Variants in GDAP2 observed in about 807,000 individuals in gnomAD.
GDAP2 encodes ganglioside-induced differentiation-associated protein 2.
In GDAP2, 51 loss-of-function variants were observed where a neutral mutation model predicts 67.0. That is an observed-to-expected ratio of 0.76 (90% CI 0.61 to 0.96). GDAP2 has a LOEUF of 0.96. Ranked by LOEUF, GDAP2 falls within the 40% of genes least tolerant of loss-of-function variation. The probability of loss-of-function intolerance (pLI) is 0.00; values close to 1 mark genes in which losing one functional copy is unlikely to be tolerated. For synonymous variants in GDAP2, 203 were observed against 207.3 expected (o/e 0.98, Z 0.18); for missense variants, 547 against 588.3 (o/e 0.93, Z 0.73).
chr1:117,882,220 C>T (rs1648674131), intron 11 of GDAP2, among the ~76,000 whole-genome samples: 1 of 151,996 alleles, frequency 6.6e-6, no homozygotes. Flanking sequence ...GCAGCTAAAC[C>T]ACTTAAAATT....
At chr1:117,906,874 T>C (rs1371791580) in intron 5 of GDAP2, among the ~76,000 whole-genome samples, 5 of 152,220 alleles carry the variant, frequency 3.3e-5, no homozygotes, top group Non-Finnish European at 5.9e-5. Context: ...AAGAAGATGC[T>C]TTATTGTATT....
chr1:117,873,199 T>C (rs1648347103), intron 13 of GDAP2, among the ~76,000 whole-genome samples: 1 of 152,184 alleles, frequency 6.6e-6, no homozygotes, highest in Non-Finnish European at 1.5e-5. Context: ...ATTTTAAGAA[T>C]TGTTGCCAGG....
In GDAP2 at chr1:117,920,159, A is replaced by G. The variant is rs145840781; in HGVS notation, c.176+23T>C. On this transcript the variant is annotated intron_variant, in intron 2 of 13. Coordinates refer to ENST00000369443, the MANE Select transcript of GDAP2 (RefSeq NM_017686.4). ...TATGAGAAAGTGTTATCTCCTCATG[A>G]TATGATGTAATCAAAAAATTACCAA... 523 of 1,389,142 alleles carry G rather than the reference A, an allele frequency of 3.8e-4. 2 individuals are homozygous for G. In the East Asian group the frequency reaches 0.011, roughly 30 times the overall value. 86.1% of individuals were successfully genotyped at this position (1,389,142 alleles called of 1,614,324 possible). A position where few individuals can be genotyped will look rare whatever the true frequency, so the allele number is the denominator to read the frequency against.
intron 11 of GDAP2, 152 bp from the exon 12 acceptor site, chr1:117,882,029 A>G (rs1402904374): frequency 1.7e-6 from 1 of 572,138 alleles, no homozygotes; most frequent in Admixed American, 3.0e-5. Flanking sequence ...TTTTAGGTGA[A>G]TGCCAAAAAC....
At chr1:117,881,788 A>C in intron 12 of GDAP2, 35 bp downstream of exon 12, 1 of 1,145,312 alleles carries the variant, frequency 8.7e-7, no homozygotes, top group Non-Finnish European at 1.3e-6. Flanking sequence ...AGTGCACATA[A>C]ATTCTAGATT....
At position 117,886,584 on chromosome 1, in the gene GDAP2, A is replaced by G; in HGVS notation, c.1100T>C (p.Met367Thr). ...GRNIPVTLID[M>T]DKALLYFIHV... ...AGCCTTTTTATGGCTTACCTTGTCC[A>G]TATCTATTAATGTTACAGGAATGTT... The change falls in exon 10 of 14, where the codon ATG (methionine) becomes ACG (threonine). Residue 367 changes from methionine to threonine, a missense_variant. Physicochemically the swap from Met to Thr is moderately conservative, Grantham distance 81. Transcript: ENST00000369443. 1 of 1,519,360 alleles carries G rather than the reference A, an allele frequency of 6.6e-7. No individual in the cohort carries two copies. Among genetic ancestry groups the G allele is most frequent in the African/African-American group, 1.4e-5 (1 of 73,172 alleles). 94.1% of individuals were successfully genotyped at this position (1,519,360 alleles called of 1,614,324 possible).
chr1:117,909,581 T>C (rs983207914), intron 5 of GDAP2, among the ~76,000 whole-genome samples: 1 of 152,204 alleles, frequency 6.6e-6, no homozygotes, highest in Non-Finnish European at 1.5e-5. Context: ...CTTGATAAAG[T>C]ATTCAAGCAA....
In GDAP2 at chr1:117,920,098, C is replaced by A. The variant is rs1170796007; in HGVS notation, c.176+84G>T. On this transcript the variant is annotated intron_variant, in intron 2 of 13. Transcript: ENST00000369443. ...ACGTATACGCAAAGCTGTATTTCAA[C>A]AATGCTAGGGCTTTAAAAAAGAGGT... The A allele has an allele frequency of 7.9e-6, 6 of 756,254 alleles. No homozygotes were observed. The East Asian group carries it at 1.5e-4, about 19-fold the overall frequency. The allele number at this position is 756,254 out of a possible 1,614,324, so 46.8% of individuals were successfully genotyped here.
intron 13 of GDAP2, among the ~76,000 whole-genome samples, chr1:117,875,091 G>T (rs1648411815): frequency 6.6e-6 from 1 of 152,240 alleles, no homozygotes; most frequent in Non-Finnish European, 1.5e-5. Context: ...GCATGTGGTA[G>T]AGAAGGAAAG....
rs1648133082 is a variant in GDAP2 at position 117,867,955 on chromosome 1, T to C, written c.*2614A>G. 6.6e-6 allele frequency: 1 copy of C among 152,218 alleles called. No homozygotes were observed. Among genetic ancestry groups the C allele is most frequent in the Admixed American group, 6.5e-5 (1 of 15,284 alleles). 9.4% of individuals were successfully genotyped at this position (152,218 alleles called of 1,614,324 possible). A position where few individuals can be genotyped will look rare whatever the true frequency, so the allele number is the denominator to read the frequency against. ...ATGCCTTGCATGATTAATAAATTAATATTTTATAACTTGTGTCTTCAACAA... is the reference window on the plus strand; with the variant it reads ...ATGCCTTGCATGATTAATAAATTAACATTTTATAACTTGTGTCTTCAACAA... On this transcript the variant is annotated 3_prime_UTR_variant, in exon 14 of 14. Coordinates refer to ENST00000369443, the MANE Select transcript of GDAP2 (RefSeq NM_017686.4).
Position 117,891,507 on chromosome 1 carries a change from A to AT in GDAP2, c.954-3734_954-3733insA, listed in dbSNP as rs1376732252. ...ATGGTAAAGCATTTCTCTGGTCAGT[A>AT]ATGAGGTTGAGATTCTGCTCATGTT... On this transcript the variant is annotated intron_variant, in intron 8 of 13. Transcript: ENST00000369443. 2.0e-5 allele frequency among the ~76,000 whole-genome samples: 3 copies of AT among 152,184 alleles called. No individual in the cohort carries two copies. The East Asian group carries it at 5.8e-4, about 29-fold the overall frequency.
At chr1:117,892,631 A>G (rs1448281837) in intron 8 of GDAP2, among the ~76,000 whole-genome samples, 1 of 152,140 alleles carries the variant, frequency 6.6e-6, no homozygotes, top group African/African-American at 2.4e-5. Flanking sequence ...AATAGCCACT[A>G]CAGTGCTCTA....
chr1:117,863,852 T>C lies in GDAP2; in HGVS notation c.*6717A>G, dbSNP rs1216407768. On this transcript the variant is annotated 3_prime_UTR_variant, in exon 14 of 14. Transcript: ENST00000369443. ...AAATGTTAGCTGTTATTATTTCTAA[T>C]CAAAGCAGTGGTGGCTGCTATTTAT... 1 of 152,248 alleles carries C rather than the reference T, an allele frequency of 6.6e-6. No homozygotes were observed. Among genetic ancestry groups the C allele is most frequent in the East Asian group, 1.9e-4 (1 of 5,206 alleles). The allele number at this position is 152,248 out of a possible 1,614,324, so 9.4% of individuals were successfully genotyped here.
chr1:117,919,962 T>A (rs561665751), intron 2 of GDAP2, among the ~76,000 whole-genome samples: 4 of 152,200 alleles, frequency 2.6e-5, no homozygotes, highest in Non-Finnish European at 4.4e-5. Context: ...ATATTCACTA[T>A]CTTGACTGTG....
In GDAP2 at chr1:117,912,587, C is replaced by A. The variant is rs765915543; in HGVS notation, c.413G>T (p.Arg138Leu). 5 of 1,612,756 alleles carry A rather than the reference C, an allele frequency of 3.1e-6. No homozygotes were observed. Among genetic ancestry groups the A allele is most frequent in the South Asian group, 1.1e-5 (1 of 91,054 alleles). ...TVGPKYKSRY[R>L]TAAESSLYSC... ...ATAAAGGGAACTCTCAGCTGCTGTG[C>A]GATAGCGGCTTTTATATTTAGGTCC... is the stretch of plus-strand genomic sequence containing the variant. The change falls in exon 4 of 14, where the codon CGC (arginine) becomes CTC (leucine). Residue 138 changes from arginine (R) to leucine (L), a missense_variant. Arg to Leu is a moderately radical substitution (Grantham distance 102). Coordinates refer to ENST00000369443, the MANE Select transcript of GDAP2 (RefSeq NM_017686.4).
At chr1:117,895,710 C>T (rs970027510) in intron 8 of GDAP2, among the ~76,000 whole-genome samples, 1 of 152,158 alleles carries the variant, frequency 6.6e-6, no homozygotes, top group South Asian at 2.1e-4. Flanking sequence ...TTGGTGCCCC[C>T]TAGTGGCTCA....
intron 13 of GDAP2, among the ~76,000 whole-genome samples, chr1:117,877,017 G>T (rs1438540306): frequency 6.6e-6 from 1 of 152,120 alleles, no homozygotes; most frequent in East Asian, 1.9e-4. Context: ...CCAGCAATCT[G>T]CAGTAAATAC....
At chr1:117,925,271 A>G (rs1650406113) in intron 1 of GDAP2, among the ~76,000 whole-genome samples, 2 of 151,912 alleles carry the variant, frequency 1.3e-5, no homozygotes, top group Admixed American at 6.6e-5. Flanking sequence ...TGGGCAACAT[A>G]GTGAGACCCC....
intron 1 of GDAP2, among the ~76,000 whole-genome samples, chr1:117,923,398 T>C (rs1650329075): frequency 6.6e-6 from 1 of 152,164 alleles, no homozygotes; most frequent in African/African-American, 2.4e-5. Flanking sequence ...CATAAGAAAT[T>C]ATAAAAGTAT....
Sources: gnomAD v4.1 joint callset for allele counts (sites outside exome capture counted in the v4.1 genomes callset) on GRCh38, gnomAD v4.1.1 for gene constraint, MANE v1.5 for transcripts, NCBI Gene and HGNC (gene_info 2026-07-23, HGNC 2026-07-21) for gene names.